The following MAF variants were observed in gnomAD, a reference collection of about 807,000 sequenced individuals.
MAF encodes transcription factor Maf.
A neutral mutation model predicts 22.0 loss-of-function variants in MAF; 10 were observed. That is an observed-to-expected ratio of 0.45 (90% confidence interval 0.28 to 0.77). MAF has a LOEUF of 0.77. Ranked by LOEUF, MAF falls within the 30% of genes least tolerant of loss-of-function variation. The probability of loss-of-function intolerance (pLI) is 0.12; values close to 1 mark genes in which losing one functional copy is unlikely to be tolerated. For missense variants in MAF, 544 were observed against 548.4 expected (o/e 0.99, Z 0.08); for synonymous variants, 337 against 255.8 (o/e 1.32, Z -3.03).
At chr16:79,376,184 T>A in the MAF span, among the ~76,000 whole-genome samples, 1 of 152,168 alleles carries the variant, frequency 6.6e-6, no homozygotes, top group Non-Finnish European at 1.5e-5. Context: ...AGATTCTAAT[T>A]TTAGTTTGAT....
At chr16:79,251,314 A>G in the MAF span, among the ~76,000 whole-genome samples, 1 of 82,894 alleles carries the variant, frequency 1.2e-5, no homozygotes, top group Non-Finnish European at 2.3e-5. Flanking sequence ...TTAAGTCTTT[A>G]TCTTTTTTTT....
the MAF span, among the ~76,000 whole-genome samples, chr16:79,489,579 G>C: frequency 1.5e-4 from 23 of 152,332 alleles, no homozygotes; most frequent in African/African-American, 5.3e-4. Flanking sequence ...AGTGATCAGG[G>C]AAGCTCCTTA....
At chr16:79,210,940 C>G in the MAF span, among the ~76,000 whole-genome samples, 1 of 152,032 alleles carries the variant, frequency 6.6e-6, no homozygotes, top group Non-Finnish European at 1.5e-5. Flanking sequence ...CATTGTAAAT[C>G]TGGGTCAAAT....
the MAF span, among the ~76,000 whole-genome samples, chr16:79,519,769 C>T: frequency 6.6e-6 from 1 of 152,234 alleles, no homozygotes; most frequent in African/African-American, 2.4e-5. Context: ...TGACGCTGAG[C>T]GTCCTCTGAA....
Position 79,593,957 on chromosome 16 carries a change from A to AG in MAF, c.*502dup, listed in dbSNP as rs1472125911. 9.5e-6 allele frequency: 2 copies of AG among 210,816 alleles called. No homozygotes were observed. Among genetic ancestry groups the AG allele is most frequent in the African/African-American group, 4.6e-5 (2 of 43,664 alleles). 13.1% of individuals were successfully genotyped at this position (210,816 alleles called of 1,614,324 possible). A position where few individuals can be genotyped will look rare whatever the true frequency, so the allele number is the denominator to read the frequency against. On this transcript the variant is annotated 3_prime_UTR_variant, in exon 2 of 2. Transcript: ENST00000326043. Reference sequence around the variant, plus strand: ...ACCGTCTAGGGCCTACGAGAAAACCAGGGGGCTCGGCTCCGCTGGAGCCTC... The same window carrying AG: ...ACCGTCTAGGGCCTACGAGAAAACCAGGGGGGCTCGGCTCCGCTGGAGCCTC...
chr16:79,302,800 C>T, the MAF span, among the ~76,000 whole-genome samples: 175 of 152,356 alleles, frequency 1.1e-3, no homozygotes, highest in African/African-American at 4.0e-3. Flanking sequence ...ACCATGCTTT[C>T]AGCATTGCCA....
chr16:79,380,562 A>T, the MAF span, among the ~76,000 whole-genome samples: 216 of 152,308 alleles, frequency 1.4e-3, no homozygotes, highest in African/African-American at 4.8e-3. Context: ...TCTTTGCATT[A>T]ACTGCTATGA....
chr16:79,526,290 T>C, the MAF span, among the ~76,000 whole-genome samples: 12,165 of 151,744 alleles, frequency 0.08, 602 homozygotes, highest in Middle Eastern at 0.17. Flanking sequence ...ATTAGTTAGA[T>C]TCTCATAAGG....
At chr16:79,227,326 G>C in the MAF span, among the ~76,000 whole-genome samples, 1 of 152,070 alleles carries the variant, frequency 6.6e-6, no homozygotes, top group Non-Finnish European at 1.5e-5. Context: ...ACTCTAGCCT[G>C]GGGGACAGAA....
At chr16:79,224,801 C>A in the MAF span, among the ~76,000 whole-genome samples, 1 of 152,150 alleles carries the variant, frequency 6.6e-6, no homozygotes, top group Non-Finnish European at 1.5e-5. Context: ...ACACAACTTA[C>A]AAGGGATTAT....
chr16:79,549,707 A>G, the MAF span, among the ~76,000 whole-genome samples: 1 of 152,138 alleles, frequency 6.6e-6, no homozygotes. Flanking sequence ...ATCTTGCAGC[A>G]TCTAAAAAAG....
chr16:79,502,674 AATAAATATAAATATAAAT>A, the MAF span, among the ~76,000 whole-genome samples: 51 of 75,950 alleles, frequency 6.7e-4, 1 homozygote, highest in Non-Finnish European at 8.1e-4. Flanking sequence ...TCCAAAAATA[AATAAATATAAATATAAAT>A]ATAAATATAA....
chr16:79,551,103 G>C, the MAF span, among the ~76,000 whole-genome samples: 2 of 152,126 alleles, frequency 1.3e-5, no homozygotes, highest in African/African-American at 4.8e-5. Context: ...CCTCACCCTA[G>C]TCTCCTTCCT....
chr16:79,563,857 G>GA, the MAF span, among the ~76,000 whole-genome samples: 1 of 152,138 alleles, frequency 6.6e-6, no homozygotes, highest in African/African-American at 2.4e-5. Flanking sequence ...GAAGTAAAAA[G>GA]CCTTCTACTC....
At chr16:79,408,909 G>C in the MAF span, among the ~76,000 whole-genome samples, 1 of 150,894 alleles carries the variant, frequency 6.6e-6, no homozygotes, top group Non-Finnish European at 1.5e-5. Context: ...ATAGAAAAAA[G>C]AATATTTTTA....
At chr16:79,275,348 A>G in the MAF span, among the ~76,000 whole-genome samples, 3 of 152,196 alleles carry the variant, frequency 2.0e-5, no homozygotes, top group African/African-American at 7.2e-5. Flanking sequence ...TCCATCTCCA[A>G]AAAAAGAGAA....
At chr16:79,364,606 T>C in the MAF span, among the ~76,000 whole-genome samples, 1 of 152,206 alleles carries the variant, frequency 6.6e-6, no homozygotes, top group Non-Finnish European at 1.5e-5. Context: ...CTACAAATCA[T>C]GTAGCAAAAA....
chr16:79,600,006 G>A lies in MAF; in HGVS notation c.-104C>T. The stretch of plus-strand genomic sequence containing the variant: ...GGCCAGCGGGTGAGCCAGCTTGCCG[G>A]GCTGGGGCGCTTCTAGCTTGCGCGG... On this transcript the variant is annotated 5_prime_UTR_variant, in exon 1 of 2. Transcript: ENST00000326043. The A allele has an allele frequency of 6.6e-7, 1 of 1,525,958 alleles. No homozygotes were observed. Among genetic ancestry groups the A allele is most frequent in the South Asian group, 1.1e-5 (1 of 87,808 alleles). The allele number at this position is 1,525,958 out of a possible 1,614,324, so 94.5% of individuals were successfully genotyped here.
the MAF span, among the ~76,000 whole-genome samples, chr16:79,473,209 G>C: frequency 1.7e-4 from 26 of 152,138 alleles, no homozygotes; most frequent in Non-Finnish European, 2.9e-4. Flanking sequence ...TATCCTCTGT[G>C]GAGGGGGAGG....
Sources: gnomAD v4.1 joint callset for allele counts (sites outside exome capture counted in the v4.1 genomes callset) on GRCh38, gnomAD v4.1.1 for gene constraint, MANE v1.5 for transcripts, NCBI Gene and HGNC (gene_info 2026-07-23, HGNC 2026-07-21) for gene names.